The following DACH2 variants were observed in gnomAD, a reference collection of about 807,000 sequenced individuals.
DACH2 encodes dachshund family transcription factor 2.
A neutral mutation model predicts 35.8 loss-of-function variants in DACH2; 17 were observed. The observed-to-expected ratio is 0.48, with a 90% CI of 0.33 to 0.71. The LOEUF is 0.71. Among genes scored for constraint, DACH2 ranks in the 30% least tolerant of loss-of-function variants. The probability of loss-of-function intolerance (pLI) is 0.02; values close to 1 mark genes in which losing one functional copy is unlikely to be tolerated. For missense variants in DACH2, 469 were observed against 472.7 expected, an observed-to-expected ratio of 0.99 and a Z score of 0.07; for synonymous variants, 195 against 177.3, an observed-to-expected ratio of 1.10 and a Z score of -0.79.
intron 4 of DACH2, among the ~76,000 whole-genome samples, chrX:86,667,594 AAGAAAGAAAG>A (rs2040711528): frequency 9.6e-6 from 1 of 103,685 alleles, no homozygotes; most frequent in African/African-American, 3.9e-5. Context: ...GAAAGAAAGA[AAGAAAGAAAG>A]AAAGAAAGAA....
intron 1 of DACH2, among the ~76,000 whole-genome samples, chrX:86,263,760 C>T (rs925989460): frequency 9.0e-6 from 1 of 111,525 alleles, no homozygotes; most frequent in Non-Finnish European, 1.9e-5. Context: ...ACTTCTCTCA[C>T]CCATGATCAC....
chrX:86,349,751 G>T (rs1281415892), intron 1 of DACH2, among the ~76,000 whole-genome samples: 2 of 111,992 alleles, frequency 1.8e-5, no homozygotes, highest in Non-Finnish European at 3.8e-5. Context: ...ATGGGAAGCT[G>T]CATTTTACAG....
chrX:86,248,397 C>G (rs1269033376), intron 1 of DACH2, among the ~76,000 whole-genome samples: 1 of 111,133 alleles, frequency 9.0e-6, no homozygotes. Flanking sequence ...TATACACTAA[C>G]AACCTCCAAG....
chrX:86,231,141 G>A (rs2032939544), intron 1 of DACH2, among the ~76,000 whole-genome samples: 1 of 111,988 alleles, frequency 8.9e-6, no homozygotes, highest in African/African-American at 3.2e-5. Context: ...TTTCCTCTTA[G>A]CACTGCCTTA....
rs2041633799 is a variant in DACH2, at chrX:86,739,736, T to G, written c.1105-11T>G. 8.6e-7 allele frequency: 1 copy of G among 1,165,175 alleles called. No individual in the cohort carries two copies. On this transcript the variant is annotated splice_polypyrimidine_tract_variant and intron_variant, in intron 6 of 11. Transcript: ENST00000373125. ...AGATGACATTTCCTTTTGTGTTTCC[T>G]TTTGTGTCAGGAGCGGATCCCAGAG... is the stretch of plus-strand genomic sequence containing the variant.
At chrX:86,786,982 A>G (rs190414712) in intron 7 of DACH2, among the ~76,000 whole-genome samples, 2 of 108,862 alleles carry the variant, frequency 1.8e-5, no homozygotes, top group East Asian at 5.9e-4. Context: ...CCCTGCACAA[A>G]CTCTCTCTTT....
chrX:86,615,467 C>A (rs991507610), intron 3 of DACH2, among the ~76,000 whole-genome samples: 4 of 111,428 alleles, frequency 3.6e-5, no homozygotes, highest in African/African-American at 1.3e-4. Flanking sequence ...CAGAACTGGA[C>A]TTCATAGTTC....
At chrX:86,367,272 C>T (rs1193863483) in intron 1 of DACH2, among the ~76,000 whole-genome samples, 2 of 111,406 alleles carry the variant, frequency 1.8e-5, no homozygotes, top group Non-Finnish European at 3.8e-5. Flanking sequence ...CTTTTCAAGA[C>T]CATTTTTCTG....
At chrX:86,348,772 T>C (rs780777257) in intron 1 of DACH2, among the ~76,000 whole-genome samples, 1 of 112,746 alleles carries the variant, frequency 8.9e-6, no homozygotes, top group South Asian at 3.6e-4. Context: ...TTTAATGTTT[T>C]TGTCATTATA....
chrX:86,708,650 A>G (rs907430342), intron 5 of DACH2, among the ~76,000 whole-genome samples: 10 of 108,333 alleles, frequency 9.2e-5, no homozygotes, highest in Non-Finnish European at 1.9e-4. Flanking sequence ...GTGGGAAGGG[A>G]GTGGGGGAGG....
intron 2 of DACH2, among the ~76,000 whole-genome samples, chrX:86,421,817 T>C (rs1413404977): frequency 9.0e-5 from 10 of 111,183 alleles, no homozygotes; most frequent in Non-Finnish European, 1.3e-4. Flanking sequence ...TATGGAAGAA[T>C]TATGCATATT....
At chrX:86,293,049 G>A (rs2148001554) in intron 1 of DACH2, among the ~76,000 whole-genome samples, 1 of 95,615 alleles carries the variant, frequency 1.0e-5, no homozygotes, top group South Asian at 5.9e-4. Flanking sequence ...CATTATTAAT[G>A]TGTGGGAGTC....
Position 86,546,357 on chromosome X carries a change from CTCTTCT to C in DACH2, c.640+32008_640+32013del, listed in dbSNP as rs1195943792. Among the ~76,000 whole-genome samples the C allele has an allele frequency of 7.6e-4, 38 of 50,066 alleles. 1 individual carries two copies. The South Asian group carries it at 0.014, about 18-fold the overall frequency. The allele number at this position is 50,066 out of a possible 115,157, so 43.5% of individuals were successfully genotyped here. On this transcript the variant is annotated intron_variant, in intron 3 of 11. Transcript: ENST00000373125. The stretch of plus-strand genomic sequence containing the variant: ...CTTCTTCCTCTTCTTCTTCTTCTTC[CTCTTCT>C]TCTTCTTCTTCTTCTTCTTCTTCTT...
chrX:86,287,985 T>C (rs1036292341), intron 1 of DACH2, among the ~76,000 whole-genome samples: 13 of 111,810 alleles, frequency 1.2e-4, no homozygotes, highest in African/African-American at 4.2e-4. Flanking sequence ...GTGTTAGGTA[T>C]TTTTTGTATT....
chrX:86,477,622 C>A (rs2037868400), intron 2 of DACH2, among the ~76,000 whole-genome samples: 1 of 109,631 alleles, frequency 9.1e-6, no homozygotes, highest in African/African-American at 3.3e-5. Context: ...TCTATTCATC[C>A]ACTATATCTT....
intron 3 of DACH2, among the ~76,000 whole-genome samples, chrX:86,647,161 C>T (rs1569459427): frequency 9.1e-6 from 1 of 110,193 alleles, no homozygotes; most frequent in Non-Finnish European, 1.9e-5. Flanking sequence ...TACCATCCAA[C>T]GATCCCACTT....
chrX:86,781,158 G>A (rs955664567), intron 7 of DACH2, among the ~76,000 whole-genome samples: 3 of 111,599 alleles, frequency 2.7e-5, no homozygotes, highest in African/African-American at 9.8e-5. Context: ...TTTCATTGCA[G>A]GTCAGCCACT....
rs186185241 is a variant in DACH2, at chrX:86,614,603, T to G, written c.641-36433T>G. On this transcript the variant is annotated intron_variant, in intron 3 of 11. Transcript: ENST00000373125. ...TTTTTTTACCACCTTCACAACAGAT[T>G]TTTTAGTTTGATGACAATTTAATTT... Among the ~76,000 whole-genome samples, 122 of 111,247 alleles carry G rather than the reference T, an allele frequency of 1.1e-3. 2 individuals carry two copies. In the East Asian group the frequency reaches 0.032, roughly 29 times the overall value.
At chrX:86,264,193 C>CA (rs1452565094) in intron 1 of DACH2, among the ~76,000 whole-genome samples, 2 of 111,437 alleles carry the variant, frequency 1.8e-5, no homozygotes, top group Non-Finnish European at 3.8e-5. Context: ...GAGGGTTGAG[C>CA]AAAACTAGCA....
Sources: allele counts gnomAD v4.1 joint callset (sites outside exome capture counted in the v4.1 genomes callset), GRCh38; gene constraint gnomAD v4.1.1; transcripts MANE v1.5; gene names NCBI Gene and HGNC (gene_info 2026-07-23, HGNC 2026-07-21).